Variants in TRPC4 observed in about 807,000 individuals in gnomAD.
The protein encoded by TRPC4 is transient receptor potential cation channel subfamily C member 4, also known as short transient receptor potential channel 4.
TRPC4 carries 49 observed loss-of-function variants against 99.4 expected under a neutral mutation model. The observed-to-expected ratio is 0.49, with a 90% CI of 0.39 to 0.63. TRPC4 has a LOEUF of 0.63. TRPC4 is among the 20% of genes least tolerant of loss of function. The probability of loss-of-function intolerance (pLI) is 0.00; values close to 1 mark genes in which losing one functional copy is unlikely to be tolerated. For synonymous variants in TRPC4, 454 were observed against 425.9 expected (o/e 1.07, Z -0.81); for missense variants, 898 against 1,152.9 (o/e 0.78, Z 3.20).
intron 4 of TRPC4, among the ~76,000 whole-genome samples, chr13:37,684,768 T>C (rs1462498550): frequency 1.3e-5 from 2 of 149,228 alleles, no homozygotes; most frequent in Non-Finnish European, 3.0e-5. Context: ...ATATATTTAT[T>C]TCTTTCGATT....
At chr13:37,798,572 T>A (rs906607118) in intron 1 of TRPC4, among the ~76,000 whole-genome samples, 1 of 152,164 alleles carries the variant, frequency 6.6e-6, no homozygotes, top group African/African-American at 2.4e-5. Context: ...GCTCATGGTA[T>A]GCAATGATGG....
At chr13:37,691,141 G>T (rs1028631886) in intron 4 of TRPC4, among the ~76,000 whole-genome samples, 8 of 151,568 alleles carry the variant, frequency 5.3e-5, no homozygotes, top group Non-Finnish European at 1.2e-4. Context: ...TCACTCTGTC[G>T]CCCAGGCTGG....
At chr13:37,641,997 A>C (rs973913749) in intron 8 of TRPC4, among the ~76,000 whole-genome samples, 13 of 152,322 alleles carry the variant, frequency 8.5e-5, no homozygotes, top group Non-Finnish European at 1.9e-4. Context: ...ACCTCTGAGA[A>C]AGTAAAATAA....
chr13:37,688,827 G>A (rs1953581072), intron 4 of TRPC4, among the ~76,000 whole-genome samples: 2 of 151,940 alleles, frequency 1.3e-5, no homozygotes, highest in South Asian at 4.2e-4. Context: ...AACATGATGA[G>A]GGGACACACT....
intron 3 of TRPC4, among the ~76,000 whole-genome samples, chr13:37,706,704 C>T (rs1243731589): frequency 5.9e-5 from 9 of 151,538 alleles, no homozygotes; most frequent in Non-Finnish European, 1.3e-4. Context: ...GTTCAATTCC[C>T]ACCTATGAGT....
At chr13:37,775,497 A>G (rs1956674541) in intron 2 of TRPC4, among the ~76,000 whole-genome samples, 1 of 151,254 alleles carries the variant, frequency 6.6e-6, no homozygotes, top group African/African-American at 2.4e-5. Flanking sequence ...TGCTACACAG[A>G]TCACCCCATC....
At chr13:37,748,080 G>A (rs372004956) in intron 2 of TRPC4, among the ~76,000 whole-genome samples, 1 of 152,104 alleles carries the variant, frequency 6.6e-6, no homozygotes, top group East Asian at 1.9e-4. Flanking sequence ...AGATTTCATC[G>A]TGCTGTTCAG....
At chr13:37,708,835 T>C (rs1303891648) in intron 3 of TRPC4, among the ~76,000 whole-genome samples, 1 of 151,828 alleles carries the variant, frequency 6.6e-6, no homozygotes, top group Admixed American at 6.6e-5. Flanking sequence ...AGATACTTCC[T>C]TTTTCCTTCT....
chr13:37,759,594 G>C (rs772936374), intron 2 of TRPC4, among the ~76,000 whole-genome samples: 1 of 151,700 alleles, frequency 6.6e-6, no homozygotes, highest in Non-Finnish European at 1.5e-5. Flanking sequence ...TTTTACAGAA[G>C]AAGAAAATCA....
Position 37,651,888 on chromosome 13 carries a change from C to G in TRPC4, c.1885-429G>C, listed in dbSNP as rs371427564. ...ACCTCCACAGATGCTCATGGCTTAG[C>G]CTTCAATGTTGCCAGGAAAAGTCTT... On this transcript the variant is annotated intron_variant, in intron 7 of 10. Coordinates refer to ENST00000379705, the MANE Select transcript of TRPC4 (RefSeq NM_016179.4). Among the ~76,000 whole-genome samples, 22 of 152,286 alleles carry G rather than the reference C, an allele frequency of 1.4e-4. No homozygotes were observed. In the South Asian group the frequency reaches 4.6e-3, roughly 32 times the overall value.
At chr13:37,641,457 T>C (rs1272516616) in intron 8 of TRPC4, among the ~76,000 whole-genome samples, 1 of 152,316 alleles carries the variant, frequency 6.6e-6, no homozygotes, top group East Asian at 1.9e-4. Flanking sequence ...TATCAGGCAA[T>C]GAACTTCAAC....
At chr13:37,718,517 T>C (rs1320285627) in intron 3 of TRPC4, among the ~76,000 whole-genome samples, 2 of 151,976 alleles carry the variant, frequency 1.3e-5, no homozygotes, top group African/African-American at 4.8e-5. Context: ...AAGCTCAAGA[T>C]GGCAAATGAA....
chr13:37,762,306 T>C (rs551858936), intron 2 of TRPC4, among the ~76,000 whole-genome samples: 1 of 152,012 alleles, frequency 6.6e-6, no homozygotes, highest in South Asian at 2.1e-4. Context: ...GAAGTCAGTG[T>C]GGCGATTCCT....
intron 4 of TRPC4, among the ~76,000 whole-genome samples, chr13:37,684,664 G>A (rs552317838): frequency 9.5e-4 from 145 of 151,854 alleles, no homozygotes; most frequent in African/African-American, 3.3e-3. Flanking sequence ...ATATAGTTTC[G>A]AATAAGTGAA....
chr13:37,655,158 T>C lies in TRPC4; in HGVS notation c.1814A>G (p.Asn605Ser). 1 of 1,606,704 alleles carries C rather than the reference T, an allele frequency of 6.2e-7. No individual in the cohort carries two copies. Among genetic ancestry groups the C allele is most frequent in the Non-Finnish European group, 8.5e-7 (1 of 1,175,732 alleles). Residue 605 changes from asparagine to serine, a missense_variant, in exon 7 of 11, where the codon AAT (asparagine) becomes AGT (serine). Around this residue, in one of 3 missense-constraint regions of TRPC4, gnomAD observed 274 missense variants for 454.9 expected, o/e 0.60. Transcript: ENST00000379705. Reference sequence around the variant, plus strand: ...GAGTAGAACAACCAGAGAGATGACATTGTATGTCCCAAACATGGTGGCACC... The same window carrying C: ...GAGTAGAACAACCAGAGAGATGACACTGTATGTCCCAAACATGGTGGCACC... Reference protein sequence around the residue: ...FVGATMFGTYNVISLVVLLNM... With the variant: ...FVGATMFGTYSVISLVVLLNM...
Position 37,675,652 on chromosome 13 carries a change from T to C in TRPC4, c.1235-1285A>G, listed in dbSNP as rs552497369. Among the ~76,000 whole-genome samples, 4 of 152,302 alleles carry C rather than the reference T, an allele frequency of 2.6e-5. No homozygotes were observed. The East Asian group carries it at 7.7e-4, about 29-fold the overall frequency. ...TTGTGGAAGAGACAGAAAGCACTCC[T>C]GAGCCTCAGGTTTACAGCAATACCA... On this transcript the variant is annotated intron_variant, in intron 4 of 10. Coordinates refer to ENST00000379705, the MANE Select transcript of TRPC4 (RefSeq NM_016179.4).
intron 3 of TRPC4, among the ~76,000 whole-genome samples, chr13:37,739,422 T>C (rs1955510717): frequency 6.6e-6 from 1 of 152,110 alleles, no homozygotes; most frequent in African/African-American, 2.4e-5. Flanking sequence ...GTGTTTTCTC[T>C]CATGTTTCTC....
intron 6 of TRPC4, among the ~76,000 whole-genome samples, chr13:37,661,931 G>A (rs73186506): frequency 0.086 from 13,029 of 152,156 alleles, 765 homozygotes; most frequent in Middle Eastern, 0.19. Context: ...CTCCTGCCCA[G>A]GGTCAGAAGA....
intron 3 of TRPC4, among the ~76,000 whole-genome samples, chr13:37,727,917 TA>T (rs1955114852): frequency 6.6e-6 from 1 of 152,090 alleles, no homozygotes. Context: ...TAATATACTA[TA>T]TTAACTGAAT....
Sources: gnomAD v4.1 joint callset for allele counts (sites outside exome capture counted in the v4.1 genomes callset) on GRCh38, gnomAD v4.1.1 for gene constraint, gnomAD v4.1.1 regional missense constraint, MANE v1.5 for transcripts, NCBI Gene and HGNC (gene_info 2026-07-23, HGNC 2026-07-21) for gene names.